WDR76: variants seen among roughly 807,000 people sequenced by gnomAD.
WDR76 encodes the protein WD repeat-containing protein 76.
In WDR76, 52 loss-of-function variants were observed where a neutral mutation model predicts 70.2. The ratio of observed to expected loss-of-function variants is 0.74; its 90% confidence interval spans 0.59 to 0.93. The LOEUF (loss-of-function observed/expected upper bound fraction) is 0.93, where lower values mean the gene tolerates loss of function less well. Ranked by LOEUF, WDR76 falls within the 40% of genes least tolerant of loss-of-function variation. The probability of loss-of-function intolerance (pLI) is 0.00; values close to 1 mark genes in which losing one functional copy is unlikely to be tolerated. For missense variants in WDR76, 756 were observed against 760.2 expected, an observed-to-expected ratio of 0.99 and a Z score of 0.07; for synonymous variants, 292 against 271.1, an observed-to-expected ratio of 1.08 and a Z score of -0.76.
rs371286629 is a variant in WDR76 at position 43,827,064 on chromosome 15, C to T, written c.32C>T (p.Ala11Val). 2.5e-6 allele frequency: 4 copies of T among 1,614,022 alleles called. No individual in the cohort carries two copies. The highest frequency in any genetic ancestry group is 3.4e-6 in the Non-Finnish European group (4 of 1,180,036). The change falls in exon 1 of 13, where the codon GCG (alanine) becomes GTG (valine). Residue 11 changes from alanine (A) to valine (V), a missense_variant. By Grantham distance (64) the Ala-to-Val change is moderately conservative. Transcript: ENST00000263795. MSRSGAAAEK[A>V]DSRQRPQMKV... Reference sequence around the variant, plus strand: ...AGGTCGGGCGCGGCGGCTGAGAAGGCGGACTCCAGACAGCGACCCCAGATG... The same window carrying T: ...AGGTCGGGCGCGGCGGCTGAGAAGGTGGACTCCAGACAGCGACCCCAGATG...
At position 43,866,214 on chromosome 15, in the gene WDR76, T is replaced by C; in HGVS notation, c.1703T>C (p.Met568Thr). 1 of 1,614,206 alleles carries C rather than the reference T, an allele frequency of 6.2e-7. No homozygotes were observed. The highest frequency in any genetic ancestry group is 2.2e-5 in the East Asian group (1 of 44,888). Residue 568 changes from methionine to threonine, a missense_variant, in exon 13 of 13, where the codon ATG becomes ACG. By Grantham distance (81) the Met-to-Thr change is moderately conservative. Transcript: ENST00000263795. ...GAAGACTGTGTCATAGTTGGCAGCATGGCCCATCCACGACGGGTAGAAATC... is the reference window on the plus strand; with the variant it reads ...GAAGACTGTGTCATAGTTGGCAGCACGGCCCATCCACGACGGGTAGAAATC... ...KQEDCVIVGS[M>T]AHPRRVEIFH...
chr15:43,833,843 G>A (rs560466565), intron 2 of WDR76, among the ~76,000 whole-genome samples: 1 of 151,582 alleles, frequency 6.6e-6, no homozygotes, highest in South Asian at 2.1e-4. Context: ...TGCCATGCTG[G>A]CCAGGATGGT....
chr15:43,855,986 T>C (rs1490334178), intron 9 of WDR76, among the ~76,000 whole-genome samples: 3 of 152,252 alleles, frequency 2.0e-5, no homozygotes, highest in Non-Finnish European at 4.4e-5. Flanking sequence ...AGTACACCTA[T>C]GCTTACAAGC....
intron 1 of WDR76, 163 bp downstream of exon 1, chr15:43,827,255 C>G (rs1310967487): frequency 3.9e-6 from 3 of 768,632 alleles, no homozygotes; most frequent in Non-Finnish European, 6.2e-6. Flanking sequence ...TATCAATAAC[C>G]CGAGAAATAG....
intron 10 of WDR76, 58 bp from the exon 11 acceptor site, chr15:43,858,613 T>A: frequency 6.3e-7 from 1 of 1,586,508 alleles, no homozygotes; most frequent in Non-Finnish European, 8.6e-7. Context: ...TTTAGCCCTG[T>A]TGTAGAGGTT....
chr15:43,858,966 A>G (rs1397416653), intron 11 of WDR76, 143 bp downstream of exon 11: 2 of 1,097,830 alleles, frequency 1.8e-6, no homozygotes, highest in African/African-American at 1.6e-5. Flanking sequence ...GTTCCTAAAG[A>G]CTGGTGACCT....
At chr15:43,829,996 TTTTC>T (rs747140814) in intron 2 of WDR76, among the ~76,000 whole-genome samples, 9 of 151,872 alleles carry the variant, frequency 5.9e-5, no homozygotes, top group Non-Finnish European at 1.2e-4. Flanking sequence ...TCTTTTTTCT[TTTTC>T]TTTCTTTCTT....
chr15:43,832,872 C>A lies in WDR76; in HGVS notation c.463-2189C>A, dbSNP rs1880684228. Among the ~76,000 whole-genome samples the A allele has an allele frequency of 2.7e-5, 4 of 149,198 alleles. No homozygotes were observed. In the Admixed American group the frequency reaches 2.7e-4, roughly 10 times the overall value. On this transcript the variant is annotated intron_variant, in intron 2 of 12. Coordinates refer to ENST00000263795, the MANE Select transcript of WDR76 (RefSeq NM_024908.4). ...GGTTCAAGCAACTCTTGTGCCTCAGCCTCCCAAGTAGCTGGGATTACAGGT... is the reference window on the plus strand; with the variant it reads ...GGTTCAAGCAACTCTTGTGCCTCAGACTCCCAAGTAGCTGGGATTACAGGT...
chr15:43,828,964 G>A (rs545816031), intron 2 of WDR76, among the ~76,000 whole-genome samples: 2 of 150,972 alleles, frequency 1.3e-5, no homozygotes, highest in Admixed American at 6.6e-5. Context: ...GTGCAGTGAC[G>A]CTATCTCGGC....
rs946006819 is a variant in WDR76 at position 43,867,482 on chromosome 15, T to C, written c.*1090T>C. On this transcript the variant is annotated 3_prime_UTR_variant, in exon 13 of 13. Transcript: ENST00000263795. The stretch of plus-strand genomic sequence containing the variant: ...AGAACAGAAAATATATTTGAGTAAG[T>C]ATTGTTTGGTAAAACTTAGTTACAT... 6.6e-5 allele frequency: 10 copies of C among 152,078 alleles called. No homozygotes were observed. Among genetic ancestry groups the C allele is most frequent in the African/African-American group, 2.4e-4 (10 of 41,400 alleles). The allele number at this position is 152,078 out of a possible 1,614,324, so 9.4% of individuals were successfully genotyped here. A position where few individuals can be genotyped will look rare whatever the true frequency, so the allele number is the denominator to read the frequency against.
chr15:43,858,637 A>T (rs754415784), intron 10 of WDR76, 34 bp from the exon 11 acceptor site: 1 of 1,608,614 alleles, frequency 6.2e-7, no homozygotes, highest in East Asian at 2.2e-5. Flanking sequence ...TACATGTACT[A>T]TGGCAACATT....
chr15:43,864,438 A>G (rs964583319), intron 12 of WDR76, among the ~76,000 whole-genome samples: 6 of 152,004 alleles, frequency 3.9e-5, no homozygotes. Context: ...TGTTTTCATA[A>G]TGGCCATTCT....
intron 9 of WDR76, among the ~76,000 whole-genome samples, chr15:43,855,311 A>T (rs1254162589): frequency 1.3e-5 from 2 of 152,240 alleles, no homozygotes; most frequent in Non-Finnish European, 2.9e-5. Flanking sequence ...TGCATTTAAC[A>T]GGTGAAAAAA....
intron 2 of WDR76, among the ~76,000 whole-genome samples, chr15:43,833,582 G>C (rs894235649): frequency 2.6e-5 from 4 of 151,508 alleles, no homozygotes; most frequent in African/African-American, 9.7e-5. Flanking sequence ...GCCTCCCAAA[G>C]TGCTGGGATT....
chr15:43,834,006 A>T (rs546841387), intron 2 of WDR76, among the ~76,000 whole-genome samples: 2 of 152,288 alleles, frequency 1.3e-5, no homozygotes, highest in East Asian at 3.9e-4. Flanking sequence ...AATGAATTGG[A>T]TATTGGACCT....
At chr15:43,843,463 T>G (rs930207910) in intron 7 of WDR76, among the ~76,000 whole-genome samples, 2 of 152,194 alleles carry the variant, frequency 1.3e-5, no homozygotes, top group African/African-American at 4.8e-5. Flanking sequence ...CCATTTAGCT[T>G]TGTGTGTTTG....
At chr15:43,847,582 G>T (rs2140305636) in intron 8 of WDR76, among the ~76,000 whole-genome samples, 1 of 152,090 alleles carries the variant, frequency 6.6e-6, no homozygotes, top group Admixed American at 6.5e-5. Flanking sequence ...TACCACACCT[G>T]GCTAATTTTT....
intron 4 of WDR76, among the ~76,000 whole-genome samples, chr15:43,837,296 C>G (rs1487545237): frequency 6.6e-6 from 1 of 152,168 alleles, no homozygotes; most frequent in Admixed American, 6.6e-5. Flanking sequence ...TTGAGAAAAG[C>G]TGGACCTTTA....
At position 43,851,115 on chromosome 15, in the gene WDR76, A is replaced by G; in HGVS notation, c.1061A>G (p.Tyr354Cys). Residue 354 changes from tyrosine to cysteine, a missense_variant, in exon 9 of 13, where the codon TAT (tyrosine) becomes TGT (cysteine). Tyr to Cys is a radical substitution (Grantham distance 194, BLOSUM62 -2). Coordinates refer to ENST00000263795, the MANE Select transcript of WDR76 (RefSeq NM_024908.4). ...CAGCAACCTAAAGAAGATGGAGTTT[A>G]TGTTTTTCATCCCCATAGTCAGCCA... The part of the protein sequence containing the change: ...LTQQPKEDGV[Y>C]VFHPHSQPVS... 2.5e-6 allele frequency: 4 copies of G among 1,614,076 alleles called. No homozygotes were observed. In the South Asian group the frequency reaches 4.4e-5, roughly 18 times the overall value.
Sources: gnomAD v4.1 joint callset for allele counts (sites outside exome capture counted in the v4.1 genomes callset) on GRCh38, gnomAD v4.1.1 for gene constraint, MANE v1.5 for transcripts, NCBI Gene and HGNC (gene_info 2026-07-23, HGNC 2026-07-21) for gene names.